The following AKAP6 variants were observed in gnomAD, a reference collection of about 807,000 sequenced individuals.
AKAP6 encodes A-kinase anchor protein 6.
Under a neutral mutation model 188.5 loss-of-function variants are expected in AKAP6, and 58 were observed. That is an observed-to-expected ratio of 0.31 (90% CI 0.25 to 0.38). The LOEUF (loss-of-function observed/expected upper bound fraction) is 0.38. Among genes scored for constraint, AKAP6 ranks in the 10% least tolerant of loss-of-function variants. The pLI is 1.00. For missense variants in AKAP6, 2,710 were observed against 2,740.0 expected (o/e 0.99, Z 0.24); for synonymous variants, 989 against 998.6 (o/e 0.99, Z 0.18).
chr14:32,454,422 C>G (rs909220072), intron 2 of AKAP6, among the ~76,000 whole-genome samples: 1 of 152,134 alleles, frequency 6.6e-6, no homozygotes, highest in Non-Finnish European at 1.5e-5. Context: ...GCAAGGCTCG[C>G]AAGGTTTCTG....
intron 2 of AKAP6, among the ~76,000 whole-genome samples, chr14:32,450,815 T>C (rs1425746574): frequency 6.6e-6 from 1 of 152,170 alleles, no homozygotes; most frequent in East Asian, 1.9e-4. Flanking sequence ...ATTGAGGGCC[T>C]TGGTTAGTTA....
chr14:32,777,751 G>A (rs2033111932), intron 12 of AKAP6, among the ~76,000 whole-genome samples: 1 of 152,142 alleles, frequency 6.6e-6, no homozygotes, highest in Non-Finnish European at 1.5e-5. Flanking sequence ...TAAAAGGAAG[G>A]TGGAAGCTGG....
At chr14:32,730,891 T>C (rs2031142872) in intron 9 of AKAP6, among the ~76,000 whole-genome samples, 1 of 152,258 alleles carries the variant, frequency 6.6e-6, no homozygotes, top group Admixed American at 6.5e-5. Flanking sequence ...ATCCAGAAAA[T>C]TCAAGTGGAC....
At chr14:32,709,134 G>A (rs1042112632) in intron 9 of AKAP6, among the ~76,000 whole-genome samples, 2 of 151,928 alleles carry the variant, frequency 1.3e-5, no homozygotes, top group East Asian at 3.9e-4. Context: ...CCAAGTTTGG[G>A]TTAGAAAAAG....
intron 4 of AKAP6, among the ~76,000 whole-genome samples, chr14:32,555,789 CT>C (rs988108926): frequency 6.6e-6 from 1 of 152,126 alleles, no homozygotes; most frequent in Non-Finnish European, 1.5e-5. Context: ...CTTTTTAGGG[CT>C]GAATAATATT....
At chr14:32,337,832 A>T (rs55760540) in intron 1 of AKAP6, among the ~76,000 whole-genome samples, 10,801 of 151,756 alleles carry the variant, frequency 0.071, 476 homozygotes, top group Non-Finnish European at 0.085. Flanking sequence ...AAGGCAGAGG[A>T]TGGAGAAAAA....
intron 5 of AKAP6, among the ~76,000 whole-genome samples, chr14:32,590,735 G>C (rs911654904): frequency 6.6e-6 from 1 of 152,054 alleles, no homozygotes; most frequent in African/African-American, 2.4e-5. Flanking sequence ...GCAATTTATC[G>C]CCTTTGACAA....
At chr14:32,806,834 A>AT (rs1271856637) in intron 12 of AKAP6, among the ~76,000 whole-genome samples, 3 of 152,226 alleles carry the variant, frequency 2.0e-5, no homozygotes, top group African/African-American at 7.2e-5. Flanking sequence ...TTAAGATTGA[A>AT]TTTTGAGAGA....
At chr14:32,620,297 G>A (rs1886762509) in intron 7 of AKAP6, among the ~76,000 whole-genome samples, 1 of 152,076 alleles carries the variant, frequency 6.6e-6, no homozygotes, top group African/African-American at 2.4e-5. Flanking sequence ...CATTGGCTAT[G>A]GCTTTGTTAT....
At chr14:32,786,296 A>ATTT in intron 12 of AKAP6, among the ~76,000 whole-genome samples, 5 of 93,706 alleles carry the variant, frequency 5.3e-5, no homozygotes, top group Admixed American at 1.3e-4. Context: ...CTAAACCTTT[A>ATTT]TCTTTTTTTT....
At chr14:32,339,200 G>T (rs1317136505) in intron 1 of AKAP6, among the ~76,000 whole-genome samples, 2 of 152,098 alleles carry the variant, frequency 1.3e-5, no homozygotes, top group Non-Finnish European at 2.9e-5. Context: ...GCATATGGTA[G>T]GTGCTCAATA....
Position 32,411,763 on chromosome 14 carries a change from A to G in AKAP6, c.-34-21697A>G, listed in dbSNP as rs546168213. Reference sequence around the variant, plus strand: ...TTGCCCATTTATTTTCTGGTTTCCAAAATCCTCTTGTTGTTACCATCTCTC... The same window carrying G: ...TTGCCCATTTATTTTCTGGTTTCCAGAATCCTCTTGTTGTTACCATCTCTC... On this transcript the variant is annotated intron_variant, in intron 1 of 13. Transcript: ENST00000280979. Among the ~76,000 whole-genome samples, 5 of 150,520 alleles carry G rather than the reference A, an allele frequency of 3.3e-5. No homozygotes were observed. In the South Asian group the frequency reaches 1.0e-3, roughly 31 times the overall value.
chr14:32,475,392 C>T (rs140554626), intron 2 of AKAP6, among the ~76,000 whole-genome samples: 119 of 152,330 alleles, frequency 7.8e-4, no homozygotes, highest in African/African-American at 2.6e-3. Context: ...CTGATTCAGG[C>T]ATCCCCTCCA....
At chr14:32,781,760 A>C (rs2033257697) in intron 12 of AKAP6, among the ~76,000 whole-genome samples, 1 of 152,176 alleles carries the variant, frequency 6.6e-6, no homozygotes, top group South Asian at 2.1e-4. Flanking sequence ...GAAAACAATC[A>C]ATGTAATTCA....
chr14:32,489,508 C>T, intron 2 of AKAP6, among the ~76,000 whole-genome samples: 1 of 152,098 alleles, frequency 6.6e-6, no homozygotes, highest in Non-Finnish European at 1.5e-5. Context: ...CATGCCCAGC[C>T]CCTTTCTCTT....
chr14:32,507,229 T>C (rs965626352), intron 2 of AKAP6, among the ~76,000 whole-genome samples: 2 of 152,204 alleles, frequency 1.3e-5, no homozygotes, highest in Admixed American at 6.5e-5. Flanking sequence ...GAATTACTTA[T>C]AGAAAAGTAA....
chr14:32,764,630 T>C (rs2139958499), intron 11 of AKAP6, among the ~76,000 whole-genome samples: 1 of 152,256 alleles, frequency 6.6e-6, no homozygotes, highest in African/African-American at 2.4e-5. Context: ...TGTGTACCTA[T>C]GGTCAGCTAC....
At chr14:32,371,483 C>T (rs979904960) in intron 1 of AKAP6, among the ~76,000 whole-genome samples, 7 of 152,100 alleles carry the variant, frequency 4.6e-5, no homozygotes, top group African/African-American at 1.7e-4. Flanking sequence ...GGTGCTCATC[C>T]GTAGTCCTAG....
intron 13 of AKAP6, among the ~76,000 whole-genome samples, chr14:32,827,595 A>G (rs1243470532): frequency 6.6e-6 from 1 of 152,056 alleles, no homozygotes; most frequent in African/African-American, 2.4e-5. Flanking sequence ...GCTTTTCACT[A>G]TTTTCATTTT....
Sources: gnomAD v4.1 joint callset for allele counts (sites outside exome capture counted in the v4.1 genomes callset) on GRCh38, gnomAD v4.1.1 for gene constraint, MANE v1.5 for transcripts, NCBI Gene and HGNC (gene_info 2026-07-23, HGNC 2026-07-21) for gene names.